Variants in NT5C1B observed in about 807,000 individuals in gnomAD.
NT5C1B encodes the protein cytosolic 5'-nucleotidase 1B.
NT5C1B carries 44 observed loss-of-function variants against 57.8 expected under a neutral mutation model. The ratio of observed to expected loss-of-function variants is 0.76; its 90% CI spans 0.60 to 0.98. The LOEUF (loss-of-function observed/expected upper bound fraction) is 0.98. NT5C1B is among the 50% of genes least tolerant of loss of function. The pLI, the probability that NT5C1B is intolerant of heterozygous loss-of-function variation, is 0.00. For missense variants in NT5C1B, 742 were observed against 719.5 expected, an observed-to-expected ratio of 1.03 and a Z score of -0.36; for synonymous variants, 284 against 282.6, an observed-to-expected ratio of 1.00 and a Z score of -0.05.
chr2:18,583,822 G>C, intron 5 of NT5C1B: 1 of 652,508 alleles, frequency 1.5e-6, no homozygotes. Flanking sequence ...TCGAGGGAGA[G>C]AGGTTTCTGT....
intron 8 of NT5C1B, among the ~76,000 whole-genome samples, chr2:18,564,692 A>G (rs948623311): frequency 6.6e-6 from 1 of 152,184 alleles, no homozygotes; most frequent in Non-Finnish European, 1.5e-5. Context: ...ATTTTTTAAA[A>G]CAATAGTTAA....
At chr2:18,585,515 T>G (rs551064048) in intron 3 of NT5C1B, among the ~76,000 whole-genome samples, 1 of 152,110 alleles carries the variant, frequency 6.6e-6, no homozygotes, top group Non-Finnish European at 1.5e-5. Flanking sequence ...GCTGGGAAAG[T>G]CTCTTGTCTG....
Position 18,584,842 on chromosome 2 carries a change from CGCGAGTCCA to C in NT5C1B, c.386_394del (p.Leu129_Ser131del). On this transcript the variant is annotated inframe_deletion, in exon 4 of 9. Transcript: ENST00000304081. The surrounding 1 kb of genome is among the most constrained non-coding windows in gnomAD (Gnocchi z 5.8). ...ATCGGGCTCTGGGGGCGTGGGAGGC[CGCGAGTCCA>C]GCGACCGGGGCAGCTGGGGCGACGC... 6.2e-7 allele frequency: 1 copy of C among 1,609,738 alleles called. No homozygotes were observed. Among genetic ancestry groups the C allele is most frequent in the Non-Finnish European group, 8.5e-7 (1 of 1,178,686 alleles).
chr2:18,581,099 G>A (rs1666143890), intron 6 of NT5C1B, among the ~76,000 whole-genome samples: 1 of 152,088 alleles, frequency 6.6e-6, no homozygotes, highest in Non-Finnish European at 1.5e-5. Context: ...AACATCAAAT[G>A]CTTTTTTAAA....
Position 18,578,679 on chromosome 2 carries a change from A to G in NT5C1B, c.1022-1784T>C, listed in dbSNP as rs1032868717. 5.4e-4 allele frequency among the ~76,000 whole-genome samples: 82 copies of G among 152,202 alleles called. 2 individuals are homozygous for G. The highest frequency in any genetic ancestry group is 1.3e-4 in the Non-Finnish European group (9 of 68,024). On this transcript the variant is annotated intron_variant, in intron 6 of 8. Transcript: ENST00000304081. Reference sequence around the variant, plus strand: ...TACTTCAAAATAATAAGAGCCATCTATGACAAACCCAGAGCCAACATCATA... The same window carrying G: ...TACTTCAAAATAATAAGAGCCATCTGTGACAAACCCAGAGCCAACATCATA...
At chr2:18,570,239 ATT>A (rs928878053) in intron 8 of NT5C1B, among the ~76,000 whole-genome samples, 4 of 152,082 alleles carry the variant, frequency 2.6e-5, no homozygotes, top group African/African-American at 9.7e-5. Context: ...AAGTGCTTAT[ATT>A]AGAAAAGAAG....
In NT5C1B at chr2:18,585,000, C is replaced by G. The variant is rs1300455169; in HGVS notation, c.259-22G>C. The G allele has an allele frequency of 6.4e-7, 1 of 1,569,366 alleles. No homozygotes were observed. The highest frequency in any genetic ancestry group is 8.6e-7 in the Non-Finnish European group (1 of 1,164,168). On this transcript the variant is annotated intron_variant, in intron 3 of 8. Coordinates refer to ENST00000304081, the Ensembl canonical transcript of NT5C1B. This position sits in a 1 kb window ranked among gnomAD's most constrained non-coding sequence, Gnocchi z 5.8. ...GGAGCTGCAGCAAGACAATGGGCGT[C>G]TGAAGTCGAGGCCTGCCTGCCCATC...
At chr2:18,576,940 C>CA in intron 6 of NT5C1B, 45 bp from the exon 7 acceptor site, 2 of 1,607,708 alleles carry the variant, frequency 1.2e-6, no homozygotes, top group East Asian at 2.2e-5. Flanking sequence ...AGATTAAAGA[C>CA]AAAATGCCGT....
chr2:18,587,394 C>T, intron 2 of NT5C1B, 109 bp downstream of exon 2: 2 of 1,541,662 alleles, frequency 1.3e-6, no homozygotes, highest in Admixed American at 2.0e-5. Flanking sequence ...CGCCTTAATA[C>T]AATTCTCAAC....
At chr2:18,583,931 C>T (rs767717742) in intron 5 of NT5C1B, 157 bp downstream of exon 5, 8 of 1,323,610 alleles carry the variant, frequency 6.0e-6, no homozygotes, top group African/African-American at 2.9e-5. Context: ...GAAGCCTGTG[C>T]GAAATCATAA....
intron 6 of NT5C1B, among the ~76,000 whole-genome samples, chr2:18,578,928 T>A (rs946451450): frequency 6.6e-6 from 1 of 152,164 alleles, no homozygotes; most frequent in Admixed American, 6.5e-5. Flanking sequence ...CTAGCTCTGA[T>A]AATAACTTCA....
rs139648546 is a variant in NT5C1B, at chr2:18,573,838, G to A, written c.1329+2346C>T. ...AAAAAAATGGCATGTTTTTTAAACTGGCAGAAGTACTGCATAATAAAGGAA... is the reference window on the plus strand; with the variant it reads ...AAAAAAATGGCATGTTTTTTAAACTAGCAGAAGTACTGCATAATAAAGGAA... On this transcript the variant is annotated intron_variant, in intron 8 of 8. Coordinates refer to ENST00000304081, the Ensembl canonical transcript of NT5C1B. Among the ~76,000 whole-genome samples the A allele has an allele frequency of 1.6e-3, 250 of 152,196 alleles. 2 individuals are homozygous for A. The highest frequency in any genetic ancestry group is 5.8e-3 in the African/African-American group (242 of 41,552).
At chr2:18,565,624 A>C (rs73916879) in intron 8 of NT5C1B, among the ~76,000 whole-genome samples, 18,180 of 151,974 alleles carry the variant, frequency 0.12, 1,721 homozygotes, top group African/African-American at 0.26. Context: ...TTATTTCTTC[A>C]TTTTGAAGCC....
At chr2:18,571,945 G>C (rs1665227738) in intron 8 of NT5C1B, among the ~76,000 whole-genome samples, 1 of 150,418 alleles carries the variant, frequency 6.6e-6, no homozygotes, top group Non-Finnish European at 1.5e-5. Context: ...AATTAACTGG[G>C]TGTGGTGGTG....
Position 18,584,172 on chromosome 2 carries a change from T to C in NT5C1B, c.807A>G (p.Gln269=). The change falls in exon 5 of 9, where the codon CAA becomes CAG. Residue 269 remains glutamine (Q), a synonymous_variant. Coordinates refer to ENST00000304081, the Ensembl canonical transcript of NT5C1B. This position sits in a 1 kb window ranked among gnomAD's most constrained non-coding sequence, Gnocchi z 5.8. ...ACTCCATGTACTTTTCCAGACCCTC[T>C]TGCTCGTAGATTTTCCTGCCGTCCA... The C allele has an allele frequency of 1.2e-6, 2 of 1,614,154 alleles. No individual in the cohort carries two copies. Among genetic ancestry groups the C allele is most frequent in the Non-Finnish European group, 8.5e-7 (1 of 1,180,018 alleles).
chr2:18,576,447 T>C (rs1665686500), intron 7 of NT5C1B, 79 bp from the exon 8 acceptor site: 7 of 1,491,732 alleles, frequency 4.7e-6, no homozygotes, highest in Admixed American at 5.1e-5. Context: ...AAACAAATTC[T>C]CCCAGACCTT....
intron 6 of NT5C1B, among the ~76,000 whole-genome samples, chr2:18,582,593 A>G (rs1666274219): frequency 6.6e-6 from 1 of 152,248 alleles, no homozygotes. Context: ...AGTGAAAAAC[A>G]TACAACAGAG....
chr2:18,578,153 C>T (rs1338457261), intron 6 of NT5C1B, among the ~76,000 whole-genome samples: 1 of 152,018 alleles, frequency 6.6e-6, no homozygotes, highest in Non-Finnish European at 1.5e-5. Flanking sequence ...CATAAACAGC[C>T]CTGGACCAGA....
chr2:18,575,230 G>T (rs1019082061), intron 8 of NT5C1B, among the ~76,000 whole-genome samples: 5 of 151,948 alleles, frequency 3.3e-5, no homozygotes. Context: ...TTTCTTAATA[G>T]TAAGCTTTGT....
Sources: gnomAD v4.1 joint callset for allele counts (sites outside exome capture counted in the v4.1 genomes callset) on GRCh38, gnomAD v4.1.1 for gene constraint, Gnocchi (gnomAD v3.1) non-coding constraint, MANE v1.5 for transcripts, NCBI Gene and HGNC (gene_info 2026-07-23, HGNC 2026-07-21) for gene names.